Variants in NTRK3 observed in about 807,000 individuals in gnomAD.
The protein encoded by NTRK3 is neurotrophic receptor tyrosine kinase 3.
In NTRK3, 24 loss-of-function variants were observed where a neutral mutation model predicts 91.7. That is an observed-to-expected ratio of 0.26 (90% CI 0.19 to 0.37). The LOEUF is 0.37. NTRK3 is among the 10% of genes least tolerant of loss of function. NTRK3 has a pLI of 1.00. For synonymous variants in NTRK3, 483 were observed against 404.0 expected (o/e 1.20, Z -2.34); for missense variants, 880 against 1,068.9 (o/e 0.82, Z 2.46).
chr15:88,196,719 C>T (rs2047853268), intron 3 of NTRK3, among the ~76,000 whole-genome samples: 1 of 152,154 alleles, frequency 6.6e-6, no homozygotes, highest in African/African-American at 2.4e-5. Flanking sequence ...TCCTTTCCTC[C>T]AGCAATAAAC....
intron 13 of NTRK3, among the ~76,000 whole-genome samples, chr15:88,108,122 T>A (rs1019087163): frequency 2.6e-5 from 4 of 152,086 alleles, no homozygotes; most frequent in Admixed American, 2.6e-4. Context: ...AGACTCCAGG[T>A]TCTGAAAGAT....
At chr15:88,153,114 G>C (rs1223041154) in intron 5 of NTRK3, among the ~76,000 whole-genome samples, 1 of 152,220 alleles carries the variant, frequency 6.6e-6, no homozygotes, top group Non-Finnish European at 1.5e-5. Flanking sequence ...TCTGTGACTT[G>C]CTGGCTGCAA....
intron 14 of NTRK3, among the ~76,000 whole-genome samples, chr15:87,965,065 T>G (rs2072662936): frequency 6.6e-6 from 1 of 152,220 alleles, no homozygotes; most frequent in Admixed American, 6.5e-5. Flanking sequence ...GCAATCTTAT[T>G]TTTAAAAAAA....
chr15:88,007,792 G>A (rs1471488165), intron 14 of NTRK3, among the ~76,000 whole-genome samples: 2 of 152,180 alleles, frequency 1.3e-5, no homozygotes, highest in African/African-American at 4.8e-5. Flanking sequence ...AACCAGCTGT[G>A]TTTCTTGGGC....
At chr15:88,014,816 T>C (rs181581875) in intron 14 of NTRK3, among the ~76,000 whole-genome samples, 2 of 152,368 alleles carry the variant, frequency 1.3e-5, no homozygotes, top group African/African-American at 2.4e-5. Flanking sequence ...GCTCCGAGAT[T>C]TTCTTTTTTA....
intron 14 of NTRK3, among the ~76,000 whole-genome samples, chr15:87,992,186 C>T (rs535948408): frequency 6.6e-5 from 10 of 152,292 alleles, no homozygotes; most frequent in Admixed American, 6.5e-4. Context: ...GATGCCCAAA[C>T]AGCTTAGGCT....
chr15:87,876,632 G>C (rs1425190830), exon 19 of NTRK3: 1 of 215,726 alleles, frequency 4.6e-6, no homozygotes, highest in Non-Finnish European at 9.3e-6. Flanking sequence ...TTAAAGTCTT[G>C]TGGTTTTCTG....
At position 88,096,726 on chromosome 15, in the gene NTRK3, G is replaced by T. The variant is rs576172677; in HGVS notation, c.1396+29545C>A. On this transcript the variant is annotated intron_variant, in intron 13 of 18. Coordinates refer to ENST00000394480, the Ensembl canonical transcript of NTRK3. ...CCAGTCCCTGCATCTGCAGTGGAGAGCAACTTTGAGGCAGGTGCCACCCAG... is the reference window on the plus strand; with the variant it reads ...CCAGTCCCTGCATCTGCAGTGGAGATCAACTTTGAGGCAGGTGCCACCCAG... Among the ~76,000 whole-genome samples the T allele has an allele frequency of 3.9e-5, 6 of 152,294 alleles. No individual in the cohort carries two copies. The East Asian group carries it at 9.7e-4, about 25-fold the overall frequency.
intron 14 of NTRK3, among the ~76,000 whole-genome samples, chr15:87,963,010 A>G (rs2072446231): frequency 6.6e-6 from 1 of 152,236 alleles, no homozygotes; most frequent in African/African-American, 2.4e-5. Context: ...TGTTACCTGA[A>G]AAAAGATAAT....
intron 3 of NTRK3, among the ~76,000 whole-genome samples, chr15:88,212,768 C>G (rs2349052): frequency 0.81 from 122,216 of 150,482 alleles, 50,626 homozygotes; most frequent in East Asian, 0.99. Context: ...ACATCCCAGG[C>G]CCCCATGGCC....
intron 13 of NTRK3, among the ~76,000 whole-genome samples, chr15:88,073,742 T>C (rs2047289297): frequency 1.3e-5 from 2 of 151,954 alleles, no homozygotes; most frequent in African/African-American, 4.8e-5. Flanking sequence ...AATCTAAGGA[T>C]GCAAGCCCTG....
chr15:88,176,678 G>C (rs1410599655), intron 5 of NTRK3, among the ~76,000 whole-genome samples: 1 of 152,168 alleles, frequency 6.6e-6, no homozygotes, highest in Admixed American at 6.5e-5. Flanking sequence ...AGTCAGACTA[G>C]AGTCACTTGT....
chr15:88,082,304 C>T (rs1034851815), intron 13 of NTRK3, among the ~76,000 whole-genome samples: 1 of 151,292 alleles, frequency 6.6e-6, no homozygotes, highest in African/African-American at 2.4e-5. Flanking sequence ...AAGAGGTTCA[C>T]CTGACCATGG....
In NTRK3 at chr15:88,255,484, C is replaced by G. The variant is rs2053941856; in HGVS notation, c.248+422G>C. Among the ~76,000 whole-genome samples the G allele has an allele frequency of 6.6e-6, 1 of 152,128 alleles. No individual in the cohort carries two copies. The highest frequency in any genetic ancestry group is 2.4e-5 in the African/African-American group (1 of 41,460). ...CCCTGCCGGCTAAGCGCTGCCGCCG[C>G]TGCCACCGCCGCTGCCGCCTCTGCC... On this transcript the variant is annotated intron_variant, in intron 3 of 18. Transcript: ENST00000394480. This position sits in a 1 kb window ranked among gnomAD's most constrained non-coding sequence, Gnocchi z 4.3.
At chr15:88,227,073 A>T (rs1045344126) in intron 3 of NTRK3, among the ~76,000 whole-genome samples, 1 of 152,164 alleles carries the variant, frequency 6.6e-6, no homozygotes, top group African/African-American at 2.4e-5. Flanking sequence ...GGCTCTGTGG[A>T]CAGAGATGAA....
intron 13 of NTRK3, among the ~76,000 whole-genome samples, chr15:88,039,415 G>A (rs904834033): frequency 6.6e-6 from 1 of 152,032 alleles, no homozygotes; most frequent in Admixed American, 6.5e-5. Context: ...GATCCACGGT[G>A]GATTTTATTC....
chr15:87,894,452 G>A (rs903187623), intron 17 of NTRK3, among the ~76,000 whole-genome samples: 8 of 152,182 alleles, frequency 5.3e-5, no homozygotes, highest in African/African-American at 1.4e-4. Context: ...CATGTGCATC[G>A]TGTGTACAGT....
At chr15:88,126,760 C>T (rs180742148) in intron 12 of NTRK3, among the ~76,000 whole-genome samples, 56 of 152,286 alleles carry the variant, frequency 3.7e-4, no homozygotes, top group African/African-American at 1.3e-3. Flanking sequence ...GATCTGGATT[C>T]TAAAAAGAAT....
chr15:88,144,922 G>T (rs373421641), intron 6 of NTRK3, among the ~76,000 whole-genome samples: 1 of 152,240 alleles, frequency 6.6e-6, no homozygotes, highest in East Asian at 1.9e-4. Context: ...ACATGTTAAG[G>T]AATTGCTGCA....
Sources: gnomAD v4.1 joint callset for allele counts (sites outside exome capture counted in the v4.1 genomes callset) on GRCh38, gnomAD v4.1.1 for gene constraint, Gnocchi (gnomAD v3.1) non-coding constraint, MANE v1.5 for transcripts, NCBI Gene and HGNC (gene_info 2026-07-23, HGNC 2026-07-21) for gene names.